The following NLRP7 variants were observed in gnomAD, a reference collection of about 807,000 sequenced individuals.
NLRP7 encodes NACHT, LRR and PYD domains-containing protein 7.
A neutral mutation model predicts 85.5 loss-of-function variants in NLRP7; 72 were observed. The observed-to-expected ratio is 0.84, with a 90% CI of 0.70 to 1.02. The LOEUF (loss-of-function observed/expected upper bound fraction) is 1.02. Among genes scored for constraint, NLRP7 ranks in the 50% least tolerant of loss-of-function variants. The pLI is 0.00. For missense variants in NLRP7, 1,243 were observed against 1,219.5 expected (o/e 1.02, Z -0.29); for synonymous variants, 550 against 505.2 (o/e 1.09, Z -1.19).
chr19:54,955,604 CA>C (rs1370397108), intron 1 of NLRP7, among the ~76,000 whole-genome samples: 1 of 152,144 alleles, frequency 6.6e-6, no homozygotes, highest in Non-Finnish European at 1.5e-5. Context: ...GCCTGACTAA[CA>C]TGGCGAAACC....
chr19:54,934,422 G>A lies in NLRP7; in HGVS notation c.2471+67C>T. Reference sequence around the variant, plus strand: ...CCACGTGGGTGGCGCAGTAAGTCAGGTGTTACCCTTTCTCTTCTATAGCCC... The same window carrying A: ...CCACGTGGGTGGCGCAGTAAGTCAGATGTTACCCTTTCTCTTCTATAGCCC... On this transcript the variant is annotated intron_variant, in intron 7 of 9. Coordinates refer to ENST00000340844, the Ensembl canonical transcript of NLRP7. This position sits in a 1 kb window ranked among gnomAD's most constrained non-coding sequence, Gnocchi z 6.7. The A allele has an allele frequency of 1.3e-6, 2 of 1,527,452 alleles. No homozygotes were observed. Among genetic ancestry groups the A allele is most frequent in the East Asian group, 2.3e-5 (1 of 44,402 alleles). The allele number at this position is 1,527,452 out of a possible 1,614,324, so 94.6% of individuals were successfully genotyped here.
chr19:54,961,558 T>C (rs192540573), intron 1 of NLRP7, among the ~76,000 whole-genome samples: 5 of 151,314 alleles, frequency 3.3e-5, no homozygotes, highest in African/African-American at 1.2e-4. Flanking sequence ...GTACTGTGGC[T>C]GGGCGTGGTG....
At chr19:54,927,849 C>CG (rs2068513681) in intron 9 of NLRP7, 74 bp from the exon 10 acceptor site, 1 of 1,378,884 alleles carries the variant, frequency 7.3e-7, no homozygotes, top group African/African-American at 1.4e-5. Context: ...CCCAACACTT[C>CG]GGGAGGCCAA....
chr19:54,943,565 C>T (rs1314711281), intron 1 of NLRP7, among the ~76,000 whole-genome samples: 6 of 148,784 alleles, frequency 4.0e-5, no homozygotes, highest in East Asian at 2.0e-4. Context: ...CGCGCCACCG[C>T]ACTCCAGCCT....
Position 54,934,137 on chromosome 19 carries a change from T to C in NLRP7, c.2471+352A>G, listed in dbSNP as rs1165439300. Reference sequence around the variant, plus strand: ...TTGTATTTTTTAGTAGAGACGGGGTTTCACCATGTTAGCCAGGATGGTCTC... The same window carrying C: ...TTGTATTTTTTAGTAGAGACGGGGTCTCACCATGTTAGCCAGGATGGTCTC... On this transcript the variant is annotated intron_variant, in intron 7 of 9. Coordinates refer to ENST00000340844, the Ensembl canonical transcript of NLRP7. The surrounding 1 kb of genome is among the most constrained non-coding windows in gnomAD (Gnocchi z 6.7). 1.1e-4 allele frequency among the ~76,000 whole-genome samples: 16 copies of C among 152,172 alleles called. No individual in the cohort carries two copies. Among genetic ancestry groups the C allele is most frequent in the Non-Finnish European group, 2.4e-4 (16 of 68,008 alleles).
chr19:54,941,571 T>C, exon 2 of NLRP7: 1 of 1,614,018 alleles, frequency 6.2e-7, no homozygotes, highest in Non-Finnish European at 8.5e-7. Context: ...CATCAGCCTC[T>C]TCCACCTCAG....
chr19:54,960,607 A>G (rs2070009471), intron 1 of NLRP7, among the ~76,000 whole-genome samples: 1 of 150,094 alleles, frequency 6.7e-6, no homozygotes, highest in African/African-American at 2.4e-5. Context: ...TTTTATTTTT[A>G]TTTTTTGAGA....
intron 1 of NLRP7, among the ~76,000 whole-genome samples, chr19:54,953,648 C>T (rs952260789): frequency 6.6e-6 from 1 of 151,324 alleles, no homozygotes; most frequent in Non-Finnish European, 1.5e-5. Flanking sequence ...CTTTTTCTTT[C>T]TTTGGAGGTG....
intron 9 of NLRP7, chr19:54,927,725 G>A (rs1488877944): frequency 1.2e-6 from 2 of 1,614,002 alleles, no homozygotes; most frequent in Non-Finnish European, 1.7e-6. Flanking sequence ...GCTGAGGAGA[G>A]CAGATCCAAG....
intron 9 of NLRP7, among the ~76,000 whole-genome samples, chr19:54,926,712 TCGAGAC>T (rs2068452781): frequency 6.6e-6 from 1 of 151,914 alleles, no homozygotes; most frequent in South Asian, 2.1e-4. Flanking sequence ...GGTCAGGAGC[TCGAGAC>T]CAGCCTGGCC....
chr19:54,929,778 A>G (rs770664849), intron 9 of NLRP7, among the ~76,000 whole-genome samples: 1 of 152,096 alleles, frequency 6.6e-6, no homozygotes, highest in Non-Finnish European at 1.5e-5. Context: ...GAGGGGTTTG[A>G]TCTTAAAACT....
At chr19:54,933,819 G>A in intron 7 of NLRP7, 80 bp from the exon 8 acceptor site, 1 of 1,226,476 alleles carries the variant, frequency 8.2e-7, no homozygotes, top group Non-Finnish European at 1.2e-6. Flanking sequence ...CCACATGCTA[G>A]GGTACTCAGC....
chr19:54,961,318 C>T lies in NLRP7; in HGVS notation c.-77+4722G>A, dbSNP rs537345844. 2.0e-5 allele frequency among the ~76,000 whole-genome samples: 3 copies of T among 151,894 alleles called. No individual in the cohort carries two copies. The East Asian group carries it at 5.8e-4, about 29-fold the overall frequency. ...CCGAGGTCAGGAGTCCAAGACCAGCCCGGCCAAGGTGGTGAAACCCCGTGT... is the reference window on the plus strand; with the variant it reads ...CCGAGGTCAGGAGTCCAAGACCAGCTCGGCCAAGGTGGTGAAACCCCGTGT... On this transcript the variant is annotated intron_variant, in intron 1 of 2. Transcript: ENST00000587103.
rs2070039167 is a variant in NLRP7, at chr19:54,961,441, T to C, written c.-77+4599A>G. 2.6e-5 allele frequency among the ~76,000 whole-genome samples: 4 copies of C among 151,998 alleles called. No homozygotes were observed. The South Asian group carries it at 8.4e-4, about 32-fold the overall frequency. On this transcript the variant is annotated intron_variant, in intron 1 of 2. Coordinates refer to the NLRP7 transcript ENST00000587103. ...TGAACCCGGGAGGCAGAGGTTGCAG[T>C]GAGCCAAGATCATGCCACTGCACTC... is the stretch of plus-strand genomic sequence containing the variant.
At chr19:54,929,795 G>A (rs895451696) in intron 9 of NLRP7, among the ~76,000 whole-genome samples, 3 of 152,192 alleles carry the variant, frequency 2.0e-5, no homozygotes, top group African/African-American at 2.4e-5. Context: ...AACTGGATCC[G>A]AAGTGATACA....
At position 54,945,268 on chromosome 19, in the gene NLRP7, A is replaced by G. The variant is rs1011470071; in HGVS notation, c.-40+2201T>C. On this transcript the variant is annotated intron_variant, in intron 1 of 9. Coordinates refer to ENST00000340844, the Ensembl canonical transcript of NLRP7. ...AAAAAAAAAAAAAGAAAAGAAAAGA[A>G]AAATTCAGGGTTTTTTTTTTCTTTT... 9.9e-4 allele frequency among the ~76,000 whole-genome samples: 149 copies of G among 150,826 alleles called. 1 individual carries two copies. The Middle Eastern group carries it at 0.01, about 10-fold the overall frequency.
chr19:54,926,676 G>T (rs935886161), intron 9 of NLRP7, among the ~76,000 whole-genome samples: 3 of 152,052 alleles, frequency 2.0e-5, no homozygotes, highest in African/African-American at 7.2e-5. Context: ...AGCACTTTGG[G>T]AGGCCAAGGC....
intron 1 of NLRP7, among the ~76,000 whole-genome samples, chr19:54,962,163 C>CA (rs113089944): frequency 1.2e-3 from 133 of 106,880 alleles, no homozygotes; most frequent in Middle Eastern, 0.01. Flanking sequence ...AACTCCATCT[C>CA]AAAAAAAAAA....
At position 54,933,704 on chromosome 19, in the gene NLRP7, T is replaced by C. The variant is rs554002375; in HGVS notation, c.2507A>G (p.Lys836Arg). The C allele has an allele frequency of 1.7e-5, 28 of 1,614,212 alleles. 2 individuals are homozygous for C. In the South Asian group the frequency reaches 3.1e-4, roughly 18 times the overall value. ...GACAACCAAGACAGCAGCAAGGTCC[T>C]TGCAACTGGCTTCTGTAAGACGACA... Residue 836 changes from lysine to arginine, a missense_variant, in exon 8 of 10, where the codon AAG (lysine) becomes AGG (arginine). This residue lies in a region of NLRP7 where 613 missense variants were observed against 588.4 expected (regional missense o/e 1.04). Transcript: ENST00000340844.
Sources: allele counts gnomAD v4.1 joint callset (sites outside exome capture counted in the v4.1 genomes callset), GRCh38; gene constraint gnomAD v4.1.1; regional missense constraint gnomAD v4.1.1; non-coding constraint Gnocchi (gnomAD v3.1); transcripts MANE v1.5; gene names NCBI Gene and HGNC (gene_info 2026-07-23, HGNC 2026-07-21).